Variants in NUGGC observed in about 807,000 individuals in gnomAD.
NUGGC encodes the protein nuclear GTPase, germinal center associated.
NUGGC carries 58 observed loss-of-function variants against 92.6 expected under a neutral mutation model. That is an observed-to-expected ratio of 0.63 (90% CI 0.51 to 0.78). The LOEUF (loss-of-function observed/expected upper bound fraction) is 0.78, where lower values mean the gene tolerates loss of function less well. Ranked by LOEUF, NUGGC falls within the 30% of genes least tolerant of loss-of-function variation. The pLI is 0.00. For synonymous variants in NUGGC, 376 were observed against 366.4 expected (o/e 1.03, Z -0.30); for missense variants, 925 against 964.6 (o/e 0.96, Z 0.54).
intron 1 of NUGGC, among the ~76,000 whole-genome samples, chr8:28,080,291 A>T (rs1810819328): frequency 6.6e-6 from 1 of 152,150 alleles, no homozygotes; most frequent in Non-Finnish European, 1.5e-5. Flanking sequence ...CAAGCCAGAG[A>T]GAGAGAGAGA....
At chr8:28,074,821 C>T (rs886141113) in intron 1 of NUGGC, among the ~76,000 whole-genome samples, 1 of 152,160 alleles carries the variant, frequency 6.6e-6, no homozygotes, top group African/African-American at 2.4e-5. Flanking sequence ...TGCCCATAAT[C>T]CCAGCTACTG....
At chr8:28,070,722 A>G (rs1257935110) in intron 2 of NUGGC, among the ~76,000 whole-genome samples, 2 of 151,166 alleles carry the variant, frequency 1.3e-5, no homozygotes, top group Non-Finnish European at 2.9e-5. Flanking sequence ...CAGCCTCTAG[A>G]GTACCTGGGA....
chr8:28,066,066 T>G (rs1439076316), intron 6 of NUGGC, among the ~76,000 whole-genome samples: 1 of 152,234 alleles, frequency 6.6e-6, no homozygotes. Flanking sequence ...ATGGTAATTC[T>G]GTTCACCTTG....
chr8:28,067,433 C>G, intron 6 of NUGGC, 81 bp downstream of exon 6: 1 of 881,870 alleles, frequency 1.1e-6, no homozygotes, highest in Non-Finnish European at 1.8e-6. Context: ...CACTGTACCA[C>G]AAGCCCATCC....
At chr8:28,055,905 G>T in intron 10 of NUGGC, 60 bp downstream of exon 10, 1 of 925,784 alleles carries the variant, frequency 1.1e-6, no homozygotes, top group Non-Finnish European at 1.7e-6. Context: ...GCATACATTT[G>T]TCTCCCAAAA....
rs188175899 is a variant in NUGGC at position 28,059,793 on chromosome 8, G to A, written c.1097+633C>T. Among the ~76,000 whole-genome samples the A allele has an allele frequency of 5.9e-5, 9 of 152,222 alleles. No homozygotes were observed. The East Asian group carries it at 1.3e-3, about 23-fold the overall frequency. ...TCCCAGCACTTTGGGAGGCCAAGGCGGGCAGATCACCTGAGGTCCGGAGTT... is the reference window on the plus strand; with the variant it reads ...TCCCAGCACTTTGGGAGGCCAAGGCAGGCAGATCACCTGAGGTCCGGAGTT... On this transcript the variant is annotated intron_variant, in intron 8 of 18. Coordinates refer to ENST00000413272, the MANE Select transcript of NUGGC (RefSeq NM_001010906.2).
intron 18 of NUGGC, among the ~76,000 whole-genome samples, chr8:28,023,827 T>C (rs528953063): frequency 1.3e-5 from 2 of 151,666 alleles, no homozygotes; most frequent in Non-Finnish European, 2.9e-5. Flanking sequence ...GCACAACCCA[T>C]TCTCAGTGAA....
chr8:28,047,194 T>C (rs1035283747), intron 11 of NUGGC, among the ~76,000 whole-genome samples: 1 of 152,070 alleles, frequency 6.6e-6, no homozygotes. Flanking sequence ...GTTCTCATAC[T>C]CCTGACCTCA....
At chr8:28,078,036 T>C (rs1810764941) in intron 1 of NUGGC, among the ~76,000 whole-genome samples, 1 of 152,214 alleles carries the variant, frequency 6.6e-6, no homozygotes, top group Admixed American at 6.5e-5. Flanking sequence ...AAATCAACAG[T>C]ACACAGTGTC....
At chr8:28,039,971 A>C (rs1477716390) in intron 13 of NUGGC, among the ~76,000 whole-genome samples, 1 of 152,188 alleles carries the variant, frequency 6.6e-6, no homozygotes, top group East Asian at 1.9e-4. Context: ...CTGGGAAGAG[A>C]AAGAGATCCC....
intron 2 of NUGGC, 41 bp downstream of exon 2, chr8:28,074,327 G>C (rs754260027): frequency 1.0e-5 from 14 of 1,385,816 alleles, no homozygotes; most frequent in Non-Finnish European, 1.4e-5. Context: ...TCAGTAATCA[G>C]TTCCTATATC....
chr8:28,029,389 G>A lies in NUGGC; in HGVS notation c.2031C>T (p.Ile677=). 1 of 1,612,236 alleles carries A rather than the reference G, an allele frequency of 6.2e-7. No individual in the cohort carries two copies. The change falls in exon 17 of 19, where the codon ATC becomes ATT. Residue 677 remains isoleucine (I), a synonymous_variant. Coordinates refer to ENST00000413272, the MANE Select transcript of NUGGC (RefSeq NM_001010906.2). ...LKLCYEEAAQ[I]TGKKACERMK... ...TCCGCTCACACGCTTTTTTGCCCGT[G>A]ATCTGAGCTGCCTCTGGCAAAAATG...
At chr8:28,033,020 C>T (rs1266136985) in intron 14 of NUGGC, among the ~76,000 whole-genome samples, 1 of 152,104 alleles carries the variant, frequency 6.6e-6, no homozygotes, top group African/African-American at 2.4e-5. Flanking sequence ...GTTAGCCAGG[C>T]ATGGTGGCAT....
rs753525567 is a variant in NUGGC, at chr8:28,033,586, G to A, written c.1723C>T (p.Gln575Ter). The A allele has an allele frequency of 6.2e-7, 1 of 1,614,026 alleles. No homozygotes were observed. The highest frequency in any genetic ancestry group is 1.1e-5 in the South Asian group (1 of 91,078). ...ARIDLNEALT[Q>*]PVYDQIDPVF... Reference sequence around the variant, plus strand: ...GGGTCGATCTGGTCATAGACGGGCTGAGTGAGGGCTTCATTTAGATCAATT... The same window carrying A: ...GGGTCGATCTGGTCATAGACGGGCTAAGTGAGGGCTTCATTTAGATCAATT... The change falls in exon 14 of 19, where the codon CAG becomes TAG. Residue 575 changes from glutamine (Q) to a stop codon, truncating the protein, a stop_gained. Coordinates refer to ENST00000413272, the MANE Select transcript of NUGGC (RefSeq NM_001010906.2). LOFTEE classifies it high-confidence loss of function.
intron 18 of NUGGC, 94 bp downstream of exon 18, chr8:28,026,868 A>G: frequency 1.2e-6 from 1 of 869,078 alleles, no homozygotes. Flanking sequence ...AATTCCTAAA[A>G]TTTAAAGTTT....
intron 13 of NUGGC, among the ~76,000 whole-genome samples, chr8:28,039,542 A>T (rs1337499860): frequency 6.6e-6 from 1 of 152,172 alleles, no homozygotes; most frequent in Non-Finnish European, 1.5e-5. Context: ...TCATCTAGAC[A>T]TTTAAACAAG....
At chr8:28,048,722 G>A (rs1294447587) in intron 10 of NUGGC, among the ~76,000 whole-genome samples, 1 of 151,922 alleles carries the variant, frequency 6.6e-6, no homozygotes. Flanking sequence ...AATTAGCCAG[G>A]CATGGTGGTG....
At chr8:28,030,777 G>T (rs1005949052) in intron 15 of NUGGC, among the ~76,000 whole-genome samples, 1 of 152,170 alleles carries the variant, frequency 6.6e-6, no homozygotes, top group African/African-American at 2.4e-5. Flanking sequence ...GGAAGAAAGT[G>T]GGTCACAGAC....
intron 4 of NUGGC, 99 bp from the exon 5 acceptor site, chr8:28,068,537 C>T (rs775492603): frequency 1.5e-5 from 12 of 778,950 alleles, no homozygotes; most frequent in South Asian, 6.8e-5. Context: ...ATCCCGGGCA[C>T]GTCACTACAA....
Sources: allele counts gnomAD v4.1 joint callset (sites outside exome capture counted in the v4.1 genomes callset), GRCh38; gene constraint gnomAD v4.1.1; transcripts MANE v1.5; gene names NCBI Gene and HGNC (gene_info 2026-07-23, HGNC 2026-07-21).